TMPRSS2: variants seen among roughly 807,000 people sequenced by gnomAD.
TMPRSS2 encodes the protein transmembrane serine protease 2.
Under a neutral mutation model 67.4 loss-of-function variants are expected in TMPRSS2, and 59 were observed. The observed-to-expected ratio is 0.88, with a 90% CI of 0.71 to 1.09. TMPRSS2 has a LOEUF of 1.09. TMPRSS2 is among the 50% of genes least tolerant of loss of function. TMPRSS2 has a pLI of 0.00. For synonymous variants in TMPRSS2, 257 were observed against 257.0 expected (o/e 1.00, Z 0.00); for missense variants, 668 against 642.7 (o/e 1.04, Z -0.43).
intron 5 of TMPRSS2, among the ~76,000 whole-genome samples, chr21:41,485,858 G>A (rs1039810883): frequency 9.2e-5 from 14 of 152,196 alleles, no homozygotes; most frequent in Non-Finnish European, 1.6e-4. Flanking sequence ...TCAAGAACAC[G>A]GAACACTTGG....
rs2091152049 is a variant in TMPRSS2, at chr21:41,473,378, T to C, written c.846A>G (p.Gly282=). The C allele has an allele frequency of 1.2e-6, 2 of 1,609,936 alleles. No individual in the cohort carries two copies. The highest frequency in any genetic ancestry group is 8.5e-7 in the Non-Finnish European group (1 of 1,179,220). Residue 282 remains glycine, a synonymous_variant, in exon 9 of 14, where the codon GGA becomes GGG. Coordinates refer to ENST00000332149, the MANE Select transcript of TMPRSS2 (RefSeq NM_005656.4). Reference sequence around the variant, plus strand: ...TCCACTCGGGGGTGATGATGGAGCCTCCGCACACGTGGACGTTCTGGACGT... The same window carrying C: ...TCCACTCGGGGGTGATGATGGAGCCCCCGCACACGTGGACGTTCTGGACGT... ...SLHVQNVHVC[G]GSIITPEWIV... is the part of the protein sequence containing the mutation.
At position 41,489,768 on chromosome 21, in the gene TMPRSS2, A is replaced by T. The variant is rs576777264; in HGVS notation, c.239-175T>A. ...CATGGACGATCCTACTTCTTCCATA[A>T]CACTAAACCTTATGCAATTTGGAGA... On this transcript the variant is annotated intron_variant, in intron 3 of 13. Transcript: ENST00000332149. Among the ~76,000 whole-genome samples, 10 of 152,376 alleles carry T rather than the reference A, an allele frequency of 6.6e-5. No individual in the cohort carries two copies. The South Asian group carries it at 1.2e-3, about 19-fold the overall frequency.
chr21:41,503,179 C>T (rs2091435556), intron 1 of TMPRSS2, among the ~76,000 whole-genome samples: 2 of 152,090 alleles, frequency 1.3e-5, no homozygotes, highest in South Asian at 4.1e-4. Context: ...TAGCAGAGGG[C>T]GATAAGATGC....
intron 7 of TMPRSS2, among the ~76,000 whole-genome samples, chr21:41,477,200 C>T (rs2091221463): frequency 6.6e-6 from 1 of 152,142 alleles, no homozygotes; most frequent in South Asian, 2.1e-4. Context: ...GCAGAGCTGG[C>T]CCGCCCTGAT....
In TMPRSS2 at chr21:41,489,602, A is replaced by G. The variant is rs2146469693; in HGVS notation, c.239-9T>C. ...CAGTGCTTTCTTAGTCTCTGGAAGAAGGAGGAGAGTGCAACGTTCAGACCA... is the reference window on the plus strand; with the variant it reads ...CAGTGCTTTCTTAGTCTCTGGAAGAGGGAGGAGAGTGCAACGTTCAGACCA... On this transcript the variant is annotated splice_polypyrimidine_tract_variant and intron_variant, in intron 3 of 13. Coordinates refer to ENST00000332149, the MANE Select transcript of TMPRSS2 (RefSeq NM_005656.4). 1 of 1,610,236 alleles carries G rather than the reference A, an allele frequency of 6.2e-7. No individual in the cohort carries two copies. The highest frequency in any genetic ancestry group is 8.5e-7 in the Non-Finnish European group (1 of 1,176,632).
In TMPRSS2 at chr21:41,488,648, T is replaced by C. The variant is rs141864728; in HGVS notation, c.326-135A>G. The C allele has an allele frequency of 1.9e-4, 215 of 1,104,420 alleles. 1 individual carries two copies. The African/African-American group carries it at 3.1e-3, about 16-fold the overall frequency. The allele number at this position is 1,104,420 out of a possible 1,614,324, so 68.4% of individuals were successfully genotyped here. ...TGGCCCCACTGTGTTTTGTTTTGTTTTGTTTTTGAGATGAAGTCTCATTCT... is the reference window on the plus strand; with the variant it reads ...TGGCCCCACTGTGTTTTGTTTTGTTCTGTTTTTGAGATGAAGTCTCATTCT... On this transcript the variant is annotated intron_variant, in intron 4 of 13. Coordinates refer to ENST00000332149, the MANE Select transcript of TMPRSS2 (RefSeq NM_005656.4).
chr21:41,476,995 C>T (rs1004064695), intron 7 of TMPRSS2, among the ~76,000 whole-genome samples: 1 of 152,176 alleles, frequency 6.6e-6, no homozygotes, highest in African/African-American at 2.4e-5. Flanking sequence ...CCTCTGGGCT[C>T]CTATAACTGC....
chr21:41,488,380 C>T lies in TMPRSS2; in HGVS notation c.445+14G>A, dbSNP rs422471. The T allele has an allele frequency of 0.68, 1,089,030 of 1,607,944 alleles. 376,346 individuals carry two copies. Among genetic ancestry groups the T allele is most frequent in the Middle Eastern group, 0.73 (3,723 of 5,100 alleles). ...GAGCAGAGGAGTCCCTTCCCAAGGT[C>T]AAGGCTGACTCACCACACCGATTCT... On this transcript the variant is annotated intron_variant, in intron 5 of 13. Coordinates refer to ENST00000332149, the MANE Select transcript of TMPRSS2 (RefSeq NM_005656.4).
intron 1 of TMPRSS2, among the ~76,000 whole-genome samples, chr21:41,505,758 G>T (rs1359333189): frequency 6.6e-6 from 1 of 152,136 alleles, no homozygotes; most frequent in Non-Finnish European, 1.5e-5. Context: ...CCACTTGCTG[G>T]TAACATTCCA....
At chr21:41,482,659 G>A (rs1312871569) in intron 5 of TMPRSS2, among the ~76,000 whole-genome samples, 3 of 152,156 alleles carry the variant, frequency 2.0e-5, no homozygotes, top group Non-Finnish European at 4.4e-5. Flanking sequence ...ATGCCTCTGT[G>A]GTGAGTGATT....
chr21:41,507,938 G>C lies in TMPRSS2; in HGVS notation c.-57+143C>G, dbSNP rs562751769. On this transcript the variant is annotated intron_variant, in intron 1 of 13. Coordinates refer to ENST00000332149, the MANE Select transcript of TMPRSS2 (RefSeq NM_005656.4). ...CGGCTGGCCCCAGCGCTCGACCCTCGGGCGCACTCACCTGCCGCGCCGCGC... is the reference window on the plus strand; with the variant it reads ...CGGCTGGCCCCAGCGCTCGACCCTCCGGCGCACTCACCTGCCGCGCCGCGC... 2.4e-5 allele frequency: 36 copies of C among 1,489,522 alleles called. 1 individual carries two copies. In the South Asian group the frequency reaches 3.6e-4, roughly 15 times the overall value. The allele number at this position is 1,489,522 out of a possible 1,614,324, so 92.3% of individuals were successfully genotyped here. A position where few individuals can be genotyped will look rare whatever the true frequency, so the allele number is the denominator to read the frequency against.
At chr21:41,499,444 C>G (rs1277620832) in intron 1 of TMPRSS2, among the ~76,000 whole-genome samples, 2 of 152,312 alleles carry the variant, frequency 1.3e-5, no homozygotes, top group East Asian at 1.9e-4. Context: ...CTTGCTCAGT[C>G]AGTTTAGCCA....
In TMPRSS2 at chr21:41,470,668, C is replaced by A. The variant is rs1479410666; in HGVS notation, c.1151G>T (p.Trp384Leu). 2 of 1,613,440 alleles carry A rather than the reference C, an allele frequency of 1.2e-6. No individual in the cohort carries two copies. The highest frequency in any genetic ancestry group is 1.7e-6 in the Non-Finnish European group (2 of 1,179,966). Residue 384 changes from tryptophan (W) to leucine (L), a missense_variant, in exon 11 of 14, where the codon TGG becomes TTG. Trp to Leu is a moderately conservative substitution (Grantham distance 61, BLOSUM62 -2). Coordinates refer to ENST00000332149, the MANE Select transcript of TMPRSS2 (RefSeq NM_005656.4). Reference protein sequence around the residue: ...QPEQLCWISGWGATEEKGKTS... With the variant: ...QPEQLCWISGLGATEEKGKTS... ...CTCACCTTTCTCCTCGGTGGCCCCC[C>A]ACCCGGAAATCCAGCAGAGCTGTTC...
In TMPRSS2 at chr21:41,498,100, GTAATAAT is replaced by G; in HGVS notation, c.15+12_15+18del. The G allele has an allele frequency of 6.4e-7, 1 of 1,570,110 alleles. No individual in the cohort carries two copies. The highest frequency in any genetic ancestry group is 8.8e-7 in the Non-Finnish European group (1 of 1,142,744). On this transcript the variant is annotated intron_variant, in intron 2 of 13. Coordinates refer to ENST00000332149, the MANE Select transcript of TMPRSS2 (RefSeq NM_005656.4). ...AGGGAACAAAGAAAAGGCCAGGAAG[GTAATAAT>G]TAACCACTTACTGAGTTCAAAGCCA...
intron 11 of TMPRSS2, among the ~76,000 whole-genome samples, chr21:41,469,471 G>C (rs571137450): frequency 6.6e-6 from 1 of 152,168 alleles, no homozygotes; most frequent in South Asian, 2.1e-4. Flanking sequence ...TGAGAAGCTG[G>C]TGTCTTCACC....
At chr21:41,507,798 A>T (rs2146520389) in intron 1 of TMPRSS2, among the ~76,000 whole-genome samples, 1 of 152,194 alleles carries the variant, frequency 6.6e-6, no homozygotes, top group East Asian at 1.9e-4. Context: ...GACTCGCAGG[A>T]CCACCTGCCC....
In TMPRSS2 at chr21:41,494,404, CG is replaced by C; in HGVS notation, c.189del (p.Val64SerfsTer26). 6.2e-7 allele frequency: 1 copy of C among 1,610,816 alleles called. No homozygotes were observed. ...GGGGATTTGGGCTGCGTGCAGACGA[CG>C]GGGTTGGAAGCCTGCGTCAGGACCC... ...APRVLTQASNPVVCTQPKSPS... is the reference protein window; with the variant it reads ...APRVLTQASNXVVCTQPKSPS... On this transcript the variant is annotated frameshift_variant, in exon 3 of 14. Transcript: ENST00000332149. LOFTEE classifies it high-confidence loss of function.
chr21:41,494,464 A>G lies in TMPRSS2; in HGVS notation c.130T>C (p.Tyr44His), dbSNP rs547639377. The change falls in exon 3 of 14, where the codon TAC becomes CAC. Residue 44 changes from tyrosine to histidine, a missense_variant. Physicochemically the swap from Tyr to His is moderately conservative, Grantham distance 83 (BLOSUM62 2). Transcript: ENST00000332149. ...PTVYEVHPAQ[Y>H]YPSPVPQYAP... ...TACTGGGGCACGGGGGACGGGTAGT[A>G]CTGAGCCGGATGCACCTCGTAGACA... 1 of 1,614,038 alleles carries G rather than the reference A, an allele frequency of 6.2e-7. No homozygotes were observed. The highest frequency in any genetic ancestry group is 1.1e-5 in the South Asian group (1 of 91,074).
Position 41,469,656 on chromosome 21 carries a change from G to A in TMPRSS2, c.1171+992C>T, listed in dbSNP as rs117898838. On this transcript the variant is annotated intron_variant, in intron 11 of 13. Coordinates refer to ENST00000332149, the MANE Select transcript of TMPRSS2 (RefSeq NM_005656.4). ...TCCTGACCACCCCTTCAAAATAGCC[G>A]GGACCTTGTGATCCCCACCCTCAGA... Among the ~76,000 whole-genome samples, 369 of 152,010 alleles carry A rather than the reference G, an allele frequency of 2.4e-3. 1 individual carries two copies. Among genetic ancestry groups the A allele is most frequent in the African/African-American group, 5.6e-3 (234 of 41,478 alleles).
Sources: allele counts gnomAD v4.1 joint callset (sites outside exome capture counted in the v4.1 genomes callset), GRCh38; gene constraint gnomAD v4.1.1; transcripts MANE v1.5; gene names NCBI Gene and HGNC (gene_info 2026-07-23, HGNC 2026-07-21).